Variants in DCAF8L2 observed in about 807,000 individuals in gnomAD.
The protein encoded by DCAF8L2 is DDB1 and CUL4 associated factor 8 like 2, also known as DDB1- and CUL4-associated factor 8-like protein 2.
For synonymous variants in DCAF8L2, 200 were observed against 190.9 expected (o/e 1.05, Z -0.39); for missense variants, 430 against 490.7 (o/e 0.88, Z 1.17).
chrX:27,557,657 T>C, the DCAF8L2 span, among the ~76,000 whole-genome samples: 87 of 110,936 alleles, frequency 7.8e-4, 1 homozygote, highest in African/African-American at 2.6e-3. Flanking sequence ...GGTTGTGCCT[T>C]CACATTCCCG....
At chrX:27,508,887 A>C in the DCAF8L2 span, among the ~76,000 whole-genome samples, 1 of 109,784 alleles carries the variant, frequency 9.1e-6, no homozygotes, top group Non-Finnish European at 1.9e-5. Context: ...CCACTTTGAC[A>C]ATGAAGTGTA....
At chrX:27,518,861 C>G in the DCAF8L2 span, 4 of 550,815 alleles carry the variant, frequency 7.3e-6, no homozygotes, top group Non-Finnish European at 9.8e-6. Flanking sequence ...AAGTTGACAT[C>G]TAAAATTGGT....
intron 4 of DCAF8L2, among the ~76,000 whole-genome samples, chrX:27,736,840 A>AT (rs200331456): frequency 1.7e-4 from 19 of 110,179 alleles, no homozygotes; most frequent in Admixed American, 3.9e-4. Flanking sequence ...AGCCTAAAAT[A>AT]TTTTTTTTTC....
chrX:27,655,750 A>G (rs1354252038), intron 2 of DCAF8L2, among the ~76,000 whole-genome samples: 3 of 111,536 alleles, frequency 2.7e-5, no homozygotes, highest in African/African-American at 9.8e-5. Flanking sequence ...AAACTCACTA[A>G]CTATTCCAGC....
At position 27,747,076 on chromosome X, in the gene DCAF8L2, G is replaced by A. The variant is rs1342276847; in HGVS notation, c.181G>A (p.Gly61Arg). 3.4e-6 allele frequency: 4 copies of A among 1,168,757 alleles called. No individual in the cohort carries two copies. The highest frequency in any genetic ancestry group is 4.6e-6 in the Non-Finnish European group (4 of 873,406). Reference protein sequence around the residue: ...TGDGSDSRDGGFPNDASTENR... With the variant: ...TGDGSDSRDGRFPNDASTENR... ...AGATGGCAGTGATAGCAGGGATGGTGGATTCCCCAACGATGCCAGCACAGA... is the reference window on the plus strand; with the variant it reads ...AGATGGCAGTGATAGCAGGGATGGTAGATTCCCCAACGATGCCAGCACAGA... The change falls in exon 5 of 5, where the codon GGA becomes AGA. Residue 61 changes from glycine to arginine, a missense_variant. Coordinates refer to ENST00000451261, the MANE Select transcript of DCAF8L2 (RefSeq NM_001353450.2).
the DCAF8L2 span, among the ~76,000 whole-genome samples, chrX:27,511,506 C>G: frequency 1.9e-4 from 21 of 111,635 alleles, no homozygotes; most frequent in Non-Finnish European, 3.0e-4. Context: ...ACTGCATGCT[C>G]TAATAAATTA....
At chrX:27,483,656 T>A in the DCAF8L2 span, among the ~76,000 whole-genome samples, 1 of 111,266 alleles carries the variant, frequency 9.0e-6, no homozygotes, top group Non-Finnish European at 1.9e-5. Context: ...GAGTGGAAGG[T>A]GTGGCTAGCT....
chrX:27,508,064 T>C, the DCAF8L2 span, among the ~76,000 whole-genome samples: 2 of 112,005 alleles, frequency 1.8e-5, no homozygotes, highest in African/African-American at 3.2e-5. Context: ...ATATGTGTTA[T>C]ACAATTTGAA....
At chrX:27,589,616 C>T (rs1236295590), upstream of DCAF8L2, among the ~76,000 whole-genome samples, 1 of 111,719 alleles carries the variant, frequency 9.0e-6, no homozygotes, top group Non-Finnish European at 1.9e-5. Context: ...TGTCTAGAAA[C>T]ATTTTATTTG....
the DCAF8L2 span, among the ~76,000 whole-genome samples, chrX:27,548,612 A>C: frequency 8.9e-6 from 1 of 111,780 alleles, no homozygotes; most frequent in East Asian, 2.8e-4. Flanking sequence ...AATGAGGATA[A>C]TTTATGTAAG....
chrX:27,651,761 C>T (rs1246969985), intron 2 of DCAF8L2, among the ~76,000 whole-genome samples: 6 of 109,854 alleles, frequency 5.5e-5, no homozygotes, highest in South Asian at 3.8e-4. Flanking sequence ...CCACCCGCCT[C>T]CGCCTCCCAA....
chrX:27,599,851 A>G (rs1926554859), intron 1 of DCAF8L2, among the ~76,000 whole-genome samples: 1 of 112,271 alleles, frequency 8.9e-6, no homozygotes, highest in South Asian at 3.6e-4. Context: ...ACTATAAACA[A>G]TGAAAATTGA....
the DCAF8L2 span, among the ~76,000 whole-genome samples, chrX:27,508,661 G>T: frequency 9.7e-6 from 1 of 103,522 alleles, no homozygotes; most frequent in Non-Finnish European, 2.0e-5. Context: ...TGAATATTTT[G>T]ACTTGTTAAT....
the DCAF8L2 span, among the ~76,000 whole-genome samples, chrX:27,517,288 G>T: frequency 5.4e-5 from 6 of 111,435 alleles, no homozygotes; most frequent in Admixed American, 1.9e-4. Context: ...CTGTATGATG[G>T]TGGAATTATG....
chrX:27,508,585 A>G, the DCAF8L2 span, among the ~76,000 whole-genome samples: 2 of 107,861 alleles, frequency 1.9e-5, no homozygotes, highest in Non-Finnish European at 3.8e-5. Context: ...CGGTCACTCC[A>G]TCCTTAGAAC....
the DCAF8L2 span, among the ~76,000 whole-genome samples, chrX:27,533,144 A>AAGAAAGAGAG: frequency 1.3e-4 from 3 of 23,668 alleles, no homozygotes; most frequent in Non-Finnish European, 2.6e-4. Context: ...GGAAGGAAGA[A>AAGAAAGAGAG]AGAGAGAGAG....
At chrX:27,660,388 T>G (rs1211463706) in intron 2 of DCAF8L2, among the ~76,000 whole-genome samples, 1 of 109,482 alleles carries the variant, frequency 9.1e-6, no homozygotes, top group Non-Finnish European at 1.9e-5. Flanking sequence ...ATTGAGTAGC[T>G]TATAGAGAAG....
chrX:27,521,772 G>A, the DCAF8L2 span, among the ~76,000 whole-genome samples: 1 of 111,276 alleles, frequency 9.0e-6, no homozygotes, highest in Non-Finnish European at 1.9e-5. Context: ...TAAAACTTTA[G>A]AATTAGAAAA....
intron 1 of DCAF8L2, among the ~76,000 whole-genome samples, chrX:27,596,729 C>T (rs1428033335): frequency 9.0e-6 from 1 of 111,106 alleles, no homozygotes; most frequent in Non-Finnish European, 1.9e-5. Context: ...ACTGTCATTA[C>T]CATCTAAACT....
Sources: gnomAD v4.1 joint callset for allele counts (sites outside exome capture counted in the v4.1 genomes callset) on GRCh38, gnomAD v4.1.1 for gene constraint, MANE v1.5 for transcripts, NCBI Gene and HGNC (gene_info 2026-07-23, HGNC 2026-07-21) for gene names.